ABCB11: variants seen among roughly 807,000 people sequenced by gnomAD.
The protein encoded by ABCB11 is bile salt export pump.
In ABCB11, 95 loss-of-function variants were observed where a neutral mutation model predicts 148.0. The observed-to-expected ratio is 0.64, with a 90% CI of 0.54 to 0.76. The LOEUF is 0.76. Among genes scored for constraint, ABCB11 ranks in the 30% least tolerant of loss-of-function variants. The pLI, the probability that ABCB11 is intolerant of heterozygous loss-of-function variation, is 0.00. For missense variants in ABCB11, 1,523 were observed against 1,617.8 expected (o/e 0.94, Z 1.01); for synonymous variants, 591 against 555.4 (o/e 1.06, Z -0.90).
intron 19 of ABCB11, among the ~76,000 whole-genome samples, chr2:168,951,881 T>G (rs1287456463): frequency 6.6e-6 from 1 of 151,568 alleles, no homozygotes; most frequent in Non-Finnish European, 1.5e-5. Context: ...TGCTGTTGGT[T>G]TGTATGGCTT....
chr2:169,014,676 A>G (rs1323627798), intron 3 of ABCB11, among the ~76,000 whole-genome samples: 1 of 152,064 alleles, frequency 6.6e-6, no homozygotes, highest in African/African-American at 2.4e-5. Context: ...ATGACCCTCA[A>G]TCTATTTGTG....
chr2:168,963,051 A>G (rs1364118099), intron 18 of ABCB11, among the ~76,000 whole-genome samples: 4 of 151,772 alleles, frequency 2.6e-5, no homozygotes, highest in African/African-American at 9.7e-5. Context: ...AAATTTGTCC[A>G]TTATGAATCA....
At chr2:168,994,306 C>T (rs1401615171) in intron 7 of ABCB11, among the ~76,000 whole-genome samples, 2 of 152,056 alleles carry the variant, frequency 1.3e-5, no homozygotes, top group Non-Finnish European at 2.9e-5. Context: ...ACACCTTTCT[C>T]CCTGTGTTTC....
chr2:168,986,186 C>A lies in ABCB11; in HGVS notation c.1007G>T (p.Cys336Phe). 6.2e-7 allele frequency: 1 copy of A among 1,613,244 alleles called. No homozygotes were observed. The stretch of plus-strand genomic sequence containing the variant: ...GCCGTACCAGAAGGCCAGTGCATAA[C>A]ACAAAAAGATGAGACACCACACGAA... ...TGFVWCLIFL[C>F]YALAFWYGST... Residue 336 changes from cysteine (C) to phenylalanine (F), a missense_variant, in exon 10 of 28, where the codon TGT (cysteine) becomes TTT (phenylalanine). By Grantham distance (205) the Cys-to-Phe change is radical. Coordinates refer to ENST00000650372, the MANE Select transcript of ABCB11 (RefSeq NM_003742.4).
At position 168,927,203 on chromosome 2, in the gene ABCB11, C is replaced by T. The variant is rs1168663909; in HGVS notation, c.3571G>A (p.Ala1191Thr). 6.2e-7 allele frequency: 1 copy of T among 1,613,838 alleles called. No individual in the cohort carries two copies. The change falls in exon 26 of 28, where the codon GCT becomes ACT. Residue 1191 changes from alanine to threonine, a missense_variant. Coordinates refer to ENST00000650372, the MANE Select transcript of ABCB11 (RefSeq NM_003742.4). ...TCATGCAGCTGAGCCTGTTTTGCAGCTGCTATGACTCTTTCCATGGGAATT... is the reference window on the plus strand; with the variant it reads ...TCATGCAGCTGAGCCTGTTTTGCAGTTGCTATGACTCTTTCCATGGGAATT... ...KEIPMERVIAAAKQAQLHDFV... is the reference protein window; with the variant it reads ...KEIPMERVIATAKQAQLHDFV...
In ABCB11 at chr2:168,924,869, A is replaced by T. The variant is rs1691236344; in HGVS notation, c.3619-66T>A. On this transcript the variant is annotated intron_variant, in intron 26 of 27. Coordinates refer to ENST00000650372, the MANE Select transcript of ABCB11 (RefSeq NM_003742.4). ...ATTGCTCCTGTGCTGTACTGAACTC[A>T]TGTCAAGGTCTCCTCTGTAATTTAA... The T allele has an allele frequency of 3.0e-6, 4 of 1,347,460 alleles. No homozygotes were observed. The South Asian group carries it at 6.3e-5, about 21-fold the overall frequency. The allele number at this position is 1,347,460 out of a possible 1,614,324, so 83.5% of individuals were successfully genotyped here. A position where few individuals can be genotyped will look rare whatever the true frequency, so the allele number is the denominator to read the frequency against.
At chr2:168,978,920 A>G (rs751917328) in intron 11 of ABCB11, among the ~76,000 whole-genome samples, 18 of 151,556 alleles carry the variant, frequency 1.2e-4, no homozygotes, top group Non-Finnish European at 2.2e-4. Flanking sequence ...GGTTTTCACC[A>G]TGTTTCCCAG....
intron 4 of ABCB11, 35 bp downstream of exon 4, chr2:169,014,268 A>G: frequency 6.3e-7 from 1 of 1,593,136 alleles, no homozygotes; most frequent in Non-Finnish European, 8.6e-7. Context: ...TTATAGCTGC[A>G]CACCCACTGC....
chr2:168,961,142 T>C (rs933296191), intron 18 of ABCB11, among the ~76,000 whole-genome samples: 1 of 151,770 alleles, frequency 6.6e-6, no homozygotes, highest in Admixed American at 6.6e-5. Flanking sequence ...GCTGCATACA[T>C]GCAACAAGAG....
intron 19 of ABCB11, among the ~76,000 whole-genome samples, chr2:168,953,518 C>G (rs1326279656): frequency 2.0e-5 from 3 of 149,074 alleles, no homozygotes; most frequent in African/African-American, 7.4e-5. Flanking sequence ...TACTTTTGCT[C>G]AACTTTGGTT....
At chr2:168,974,210 A>T (rs1693715983) in intron 12 of ABCB11, among the ~76,000 whole-genome samples, 1 of 152,030 alleles carries the variant, frequency 6.6e-6, no homozygotes, top group South Asian at 2.1e-4. Flanking sequence ...TTAAAGAAAA[A>T]AAATCCATTA....
At chr2:168,995,632 T>C (rs1694688979) in intron 6 of ABCB11, 150 bp from the exon 7 acceptor site, 3 of 825,432 alleles carry the variant, frequency 3.6e-6, no homozygotes, top group Non-Finnish European at 5.6e-6. Flanking sequence ...AGATGTGAGC[T>C]CTGTCATCTG....
chr2:169,003,962 G>A (rs1025897504), intron 5 of ABCB11, among the ~76,000 whole-genome samples: 2 of 152,162 alleles, frequency 1.3e-5, no homozygotes, highest in African/African-American at 4.8e-5. Context: ...TTTGGTTAAT[G>A]AGGCTAAAAA....
chr2:168,973,512 T>C (rs1211501529), intron 13 of ABCB11, among the ~76,000 whole-genome samples: 2 of 152,084 alleles, frequency 1.3e-5, no homozygotes, highest in Admixed American at 6.6e-5. Flanking sequence ...AGTTACATTA[T>C]ACAGTGAATG....
At chr2:169,026,630 T>C (rs1695704207) in intron 1 of ABCB11, among the ~76,000 whole-genome samples, 1 of 152,224 alleles carries the variant, frequency 6.6e-6, no homozygotes, top group African/African-American at 2.4e-5. Context: ...TTGCCATGTA[T>C]CATTATGAAT....
intron 16 of ABCB11, 102 bp from the exon 17 acceptor site, chr2:168,968,592 C>T: frequency 1.1e-6 from 1 of 921,734 alleles, no homozygotes; most frequent in Non-Finnish European, 1.6e-6. Flanking sequence ...ATTACTATGT[C>T]AAATGCCAAA....
chr2:168,942,195 T>G (rs1385811016), intron 21 of ABCB11, among the ~76,000 whole-genome samples: 1 of 147,102 alleles, frequency 6.8e-6, no homozygotes, highest in African/African-American at 2.5e-5. Context: ...AAAAAATACA[T>G]GAGAAAAAGT....
At chr2:168,936,195 C>T in intron 22 of ABCB11, 35 bp downstream of exon 22, 1 of 1,595,796 alleles carries the variant, frequency 6.3e-7, no homozygotes, top group Non-Finnish European at 8.6e-7. Flanking sequence ...GCCACTCAGC[C>T]ATGAGGAATG....
At position 169,013,404 on chromosome 2, in the gene ABCB11, A is replaced by G; in HGVS notation, c.257T>C (p.Met86Thr). The G allele has an allele frequency of 6.2e-7, 1 of 1,613,854 alleles. No individual in the cohort carries two copies. Among genetic ancestry groups the G allele is most frequent in the South Asian group, 1.1e-5 (1 of 91,082 alleles). ...QPGVLLIFGT[M>T]TDVFIDYDVE... ...GTCGTAGTCAATAAAAACATCTGTC[A>G]TTGTGCCAAAAATGAGTAGCACGCC... The change falls in exon 5 of 28, where the codon ATG (methionine) becomes ACG (threonine). Residue 86 changes from methionine to threonine, a missense_variant. Physicochemically the swap from Met to Thr is moderately conservative, Grantham distance 81. Transcript: ENST00000650372.
Sources: gnomAD v4.1 joint callset for allele counts (sites outside exome capture counted in the v4.1 genomes callset) on GRCh38, gnomAD v4.1.1 for gene constraint, MANE v1.5 for transcripts, NCBI Gene and HGNC (gene_info 2026-07-23, HGNC 2026-07-21) for gene names.